NLGN1: variants seen among roughly 807,000 people sequenced by gnomAD.
NLGN1 encodes neuroligin 1.
NLGN1 carries 12 observed loss-of-function variants against 65.5 expected under a neutral mutation model. The observed-to-expected ratio is 0.18, with a 90% CI of 0.12 to 0.30. NLGN1 has a LOEUF of 0.30. NLGN1 is among the 10% of genes least tolerant of loss of function. NLGN1 has a pLI of 1.00. For missense variants in NLGN1, 750 were observed against 1,007.1 expected, an observed-to-expected ratio of 0.74 and a Z score of 3.46; for synonymous variants, 350 against 359.5, an observed-to-expected ratio of 0.97 and a Z score of 0.30.
At chr3:173,451,306 G>C (rs1721470767) in intron 2 of NLGN1, among the ~76,000 whole-genome samples, 2 of 152,180 alleles carry the variant, frequency 1.3e-5, no homozygotes, top group South Asian at 4.1e-4. Flanking sequence ...CAGGTCAGTT[G>C]GAGTTTACTG....
At chr3:173,845,475 A>G (rs1465490396) in intron 4 of NLGN1, among the ~76,000 whole-genome samples, 1 of 152,210 alleles carries the variant, frequency 6.6e-6, no homozygotes, top group East Asian at 1.9e-4. Context: ...TAATGCAATG[A>G]GAAATCTCTG....
chr3:174,015,156 T>G (rs2152448605), intron 4 of NLGN1, among the ~76,000 whole-genome samples: 1 of 152,310 alleles, frequency 6.6e-6, no homozygotes, highest in East Asian at 1.9e-4. Flanking sequence ...AGCCCATTAT[T>G]TTAATTTTAT....
chr3:174,214,420 C>T (rs1281757451), intron 4 of NLGN1, among the ~76,000 whole-genome samples: 1 of 152,092 alleles, frequency 6.6e-6, no homozygotes, highest in Non-Finnish European at 1.5e-5. Flanking sequence ...GCTCATGCAA[C>T]AACAGTGTTC....
chr3:173,886,954 T>G (rs1185327725), intron 4 of NLGN1, among the ~76,000 whole-genome samples: 1 of 152,098 alleles, frequency 6.6e-6, no homozygotes, highest in African/African-American at 2.4e-5. Context: ...TTTTTCTGAT[T>G]AGATTTCATA....
chr3:173,584,408 T>A (rs1390262687), intron 2 of NLGN1: 1 of 132,790 alleles, frequency 7.5e-6, no homozygotes, highest in African/African-American at 2.8e-5. Flanking sequence ...CATTTTTTTT[T>A]TTTTTTTTTT....
chr3:173,639,681 A>G (rs1757105816), intron 3 of NLGN1, among the ~76,000 whole-genome samples: 1 of 152,184 alleles, frequency 6.6e-6, no homozygotes, highest in South Asian at 2.1e-4. Flanking sequence ...AAATCCTGAG[A>G]GTCTCCCAGA....
intron 4 of NLGN1, among the ~76,000 whole-genome samples, chr3:174,103,628 C>A (rs1238765094): frequency 6.6e-6 from 1 of 151,858 alleles, no homozygotes; most frequent in African/African-American, 2.4e-5. Context: ...AGAAAATATG[C>A]CTTTGAATCA....
At chr3:173,595,810 A>T (rs1749382446) in intron 2 of NLGN1, among the ~76,000 whole-genome samples, 1 of 152,220 alleles carries the variant, frequency 6.6e-6, no homozygotes, top group Admixed American at 6.5e-5. Context: ...AATGAGGAAG[A>T]TGCAAAAGCA....
At chr3:173,553,163 A>G (rs1301095516) in intron 2 of NLGN1, among the ~76,000 whole-genome samples, 1 of 152,150 alleles carries the variant, frequency 6.6e-6, no homozygotes, top group Admixed American at 6.5e-5. Flanking sequence ...TGAAAATCCA[A>G]ATTCCCAAAC....
chr3:173,517,750 T>TTATCTATCTATCTGTC (rs1734043179), intron 2 of NLGN1, among the ~76,000 whole-genome samples: 1 of 147,132 alleles, frequency 6.8e-6, no homozygotes, highest in African/African-American at 2.5e-5. Flanking sequence ...TTTCGCAAAT[T>TTATCTATCTATCTGTC]TATCTATCTA....
intron 4 of NLGN1, among the ~76,000 whole-genome samples, chr3:173,875,031 G>T (rs892134640): frequency 1.4e-4 from 22 of 152,180 alleles, no homozygotes; most frequent in African/African-American, 5.1e-4. Context: ...TAGGCTTTTG[G>T]TTTTCAAAGT....
At chr3:173,939,452 T>C (rs1230196260) in intron 4 of NLGN1, among the ~76,000 whole-genome samples, 1 of 152,254 alleles carries the variant, frequency 6.6e-6, no homozygotes, top group Non-Finnish European at 1.5e-5. Context: ...ACAGGTTCCC[T>C]GGACAGCACA....
At chr3:174,251,114 T>C (rs1268016157) in intron 4 of NLGN1, among the ~76,000 whole-genome samples, 2 of 152,146 alleles carry the variant, frequency 1.3e-5, no homozygotes, top group African/African-American at 2.4e-5. Flanking sequence ...AAGGAAACTA[T>C]GTACAAAAAT....
intron 2 of NLGN1, among the ~76,000 whole-genome samples, chr3:173,482,299 G>A (rs1479466623): frequency 6.6e-6 from 1 of 151,800 alleles, no homozygotes; most frequent in Non-Finnish European, 1.5e-5. Context: ...ATGTGTGAGA[G>A]GAGGACGTCA....
intron 4 of NLGN1, among the ~76,000 whole-genome samples, chr3:173,910,174 C>T (rs1420392448): frequency 6.6e-6 from 1 of 152,174 alleles, no homozygotes; most frequent in Non-Finnish European, 1.5e-5. Flanking sequence ...CAGTGCTTCT[C>T]AATACTAATG....
At chr3:173,593,291 G>A (rs1466923097) in intron 2 of NLGN1, among the ~76,000 whole-genome samples, 52 of 152,086 alleles carry the variant, frequency 3.4e-4, no homozygotes, top group Non-Finnish European at 1.0e-4. Context: ...TGTGTCATGG[G>A]GGTTTGTTGT....
At chr3:173,524,072 C>T (rs571908609) in intron 2 of NLGN1, among the ~76,000 whole-genome samples, 1 of 150,438 alleles carries the variant, frequency 6.6e-6, no homozygotes, top group South Asian at 2.1e-4. Context: ...AGGCACCCGC[C>T]ACCACGCTCA....
chr3:173,777,621 CTGTCTGTCTGTCTATCTATCTA>C, intron 3 of NLGN1, among the ~76,000 whole-genome samples: 1 of 14,548 alleles, frequency 6.9e-5, no homozygotes, highest in Non-Finnish European at 3.2e-4. Context: ...GTCTGTCTGT[CTGTCTGTCTGTCTATCTATCTA>C]TCTATCTATC....
At chr3:173,442,354 T>A (rs1323184349) in intron 2 of NLGN1, among the ~76,000 whole-genome samples, 3 of 152,174 alleles carry the variant, frequency 2.0e-5, no homozygotes, top group Admixed American at 2.0e-4. Flanking sequence ...TTACTGATCA[T>A]ATTTTCTATC....
Sources: allele counts gnomAD v4.1 joint callset (sites outside exome capture counted in the v4.1 genomes callset), GRCh38; gene constraint gnomAD v4.1.1; transcripts MANE v1.5; gene names NCBI Gene and HGNC (gene_info 2026-07-23, HGNC 2026-07-21).